Variants in DST observed in about 807,000 individuals in gnomAD.
DST encodes the protein dystonin.
Under a neutral mutation model 875.2 loss-of-function variants are expected in DST, and 253 were observed. That is an observed-to-expected ratio of 0.29 (90% CI 0.26 to 0.32). The LOEUF is 0.32. DST is among the 10% of genes least tolerant of loss of function. DST has a pLI of 1.00. For synonymous variants in DST, 3,124 were observed against 3,197.1 expected, an observed-to-expected ratio of 0.98 and a Z score of 0.77; for missense variants, 8,287 against 9,111.6, an observed-to-expected ratio of 0.91 and a Z score of 3.68.
intron 5 of DST, among the ~76,000 whole-genome samples, chr6:56,728,201 C>T (rs892164818): frequency 5.3e-5 from 8 of 152,114 alleles, no homozygotes; most frequent in Non-Finnish European, 8.8e-5. Flanking sequence ...ATTTTATCAA[C>T]AAACACTAAA....
chr6:56,816,414 C>T (rs13200166), intron 4 of DST, among the ~76,000 whole-genome samples: 25,317 of 152,130 alleles, frequency 0.17, 2,352 homozygotes, highest in Non-Finnish European at 0.19. Context: ...ATGCCCTCTT[C>T]TGCACACAGA....
intron 87 of DST, 78 bp from the exon 88 acceptor site, chr6:56,485,549 T>C (rs971887904): frequency 7.5e-5 from 105 of 1,405,254 alleles, no homozygotes; most frequent in East Asian, 2.9e-4. Context: ...AATTAATTGA[T>C]GAAGGTTGAG....
chr6:56,953,678 G>A, intron 2 of DST, 107 bp downstream of exon 2: 2 of 781,874 alleles, frequency 2.6e-6, no homozygotes, highest in Admixed American at 3.2e-5. Flanking sequence ...GGGACAGCAT[G>A]TTCGTCATTC....
chr6:56,900,801 T>C (rs887916985), intron 2 of DST, among the ~76,000 whole-genome samples, 180 bp from the exon 3 acceptor site: 18 of 151,612 alleles, frequency 1.2e-4, no homozygotes, highest in African/African-American at 4.1e-4. Context: ...CAAGTGTTCT[T>C]TAAAGCACCC....
At chr6:56,550,188 T>A (rs1262538708) in intron 61 of DST, among the ~76,000 whole-genome samples, 1 of 152,202 alleles carries the variant, frequency 6.6e-6, no homozygotes, top group South Asian at 2.1e-4. Flanking sequence ...CTTGTCCTTT[T>A]TTTACCTATG....
At chr6:56,492,493 T>C (rs1196839500) in intron 84 of DST, 60 bp from the exon 85 acceptor site, 1 of 1,480,566 alleles carries the variant, frequency 6.8e-7, no homozygotes, top group East Asian at 2.3e-5. Flanking sequence ...ATCTTAAAAA[T>C]GCTTCTGGTG....
At chr6:56,690,014 A>G (rs1184976079) in intron 9 of DST, among the ~76,000 whole-genome samples, 5 of 152,166 alleles carry the variant, frequency 3.3e-5, no homozygotes, top group Non-Finnish European at 7.4e-5. Flanking sequence ...TTGTCTCCCA[A>G]AAGGATCTAC....
At chr6:56,601,956 C>A in intron 43 of DST, 1 of 437,200 alleles carries the variant, frequency 2.3e-6, no homozygotes, top group South Asian at 1.9e-5. Flanking sequence ...ATAACTCTGA[C>A]AAAAGGCAAA....
At chr6:56,649,378 G>C (rs2098961567) in intron 12 of DST, among the ~76,000 whole-genome samples, 1 of 152,216 alleles carries the variant, frequency 6.6e-6, no homozygotes, top group Non-Finnish European at 1.5e-5. Flanking sequence ...AGGCAAGAGA[G>C]ATACATAATA....
At position 56,594,157 on chromosome 6, in the gene DST, C is replaced by A; in HGVS notation, c.12232G>T (p.Val4078Leu). The change falls in exon 48 of 104, where the codon GTG (valine) becomes TTG (leucine). Residue 4078 changes from valine (V) to leucine (L), a missense_variant. Coordinates refer to ENST00000680361, the MANE Select transcript of DST (RefSeq NM_001374736.1). Reference protein sequence around the residue: ...HEKIISQHQAVIIATQSAQVL... With the variant: ...HEKIISQHQALIIATQSAQVL... ...TGTGCAGACTGAGTGGCTATGATCA[C>A]TGCTTGGTGCTGAGAGATGATCTTC... is the stretch of plus-strand genomic sequence containing the variant. 6.4e-7 allele frequency: 1 copy of A among 1,554,604 alleles called. No individual in the cohort carries two copies. The highest frequency in any genetic ancestry group is 1.3e-5 in the South Asian group (1 of 79,624).
At chr6:56,905,258 G>A (rs759305163) in intron 2 of DST, among the ~76,000 whole-genome samples, 5 of 152,230 alleles carry the variant, frequency 3.3e-5, no homozygotes, top group African/African-American at 1.2e-4. Flanking sequence ...ATGTGCATGT[G>A]TGAGGAACAT....
At position 56,516,173 on chromosome 6, in the gene DST, G is replaced by A. The variant is rs4131898; in HGVS notation, c.18358-505C>T. Among the ~76,000 whole-genome samples, 74 of 29,708 alleles carry A rather than the reference G, an allele frequency of 2.5e-3. 1 individual carries two copies. The South Asian group carries it at 0.039, about 16-fold the overall frequency. The allele number at this position is 29,708 out of a possible 152,430, so 19.5% of individuals were successfully genotyped here. ...AAAGAGAAAGAGAGAAAGAGAAAGA[G>A]AAAGAAAGAGAAAGAGAAAGAGAAG... On this transcript the variant is annotated intron_variant, in intron 71 of 103. Transcript: ENST00000680361.
intron 2 of DST, among the ~76,000 whole-genome samples, chr6:56,919,094 T>C (rs1200549079): frequency 6.6e-6 from 1 of 152,096 alleles, no homozygotes; most frequent in Non-Finnish European, 1.5e-5. Flanking sequence ...ATTTGAGAAG[T>C]TTTTTATATA....
intron 2 of DST, among the ~76,000 whole-genome samples, chr6:56,952,495 C>T (rs1445090807): frequency 6.6e-6 from 1 of 152,106 alleles, no homozygotes; most frequent in African/African-American, 2.4e-5. Context: ...ACGATAGTCC[C>T]GGTTTTTGAT....
chr6:56,551,395 C>T (rs767189505), intron 61 of DST, among the ~76,000 whole-genome samples: 23 of 152,136 alleles, frequency 1.5e-4, no homozygotes, highest in Non-Finnish European at 2.2e-4. Flanking sequence ...TTTATATCAG[C>T]CCCATATAGA....
At chr6:56,484,501 G>A (rs1025740191) in intron 88 of DST, 7 of 152,040 alleles carry the variant, frequency 4.6e-5, no homozygotes, top group Non-Finnish European at 8.8e-5. Flanking sequence ...ATTATAAATG[G>A]AATAAGTTTT....
chr6:56,615,282 A>C, intron 36 of DST: 1 of 1,322,410 alleles, frequency 7.6e-7, no homozygotes, highest in East Asian at 3.1e-5. Flanking sequence ...AGTGTGGCCA[A>C]GTTTCAAAAA....
Position 56,532,341 on chromosome 6 carries a change from T to A in DST, c.17108+3A>T. ...TCAAAAGAACTGGAAGTATATAAGT[T>A]ACCTTGTTTCAGCTTTATTAAGCAA... On this transcript the variant is annotated splice_donor_region_variant and intron_variant, in intron 64 of 103. Transcript: ENST00000680361. The A allele has an allele frequency of 6.2e-7, 1 of 1,613,184 alleles. No individual in the cohort carries two copies. The highest frequency in any genetic ancestry group is 8.5e-7 in the Non-Finnish European group (1 of 1,179,522).
chr6:56,880,703 A>G (rs1321054270), intron 3 of DST, among the ~76,000 whole-genome samples: 1 of 139,036 alleles, frequency 7.2e-6, no homozygotes, highest in Non-Finnish European at 1.5e-5. Flanking sequence ...AAGAAAAAAG[A>G]AAAAAAAAAA....
Sources: allele counts gnomAD v4.1 joint callset (sites outside exome capture counted in the v4.1 genomes callset), GRCh38; gene constraint gnomAD v4.1.1; transcripts MANE v1.5; gene names NCBI Gene and HGNC (gene_info 2026-07-23, HGNC 2026-07-21).